Variants in SLC26A2 observed in about 807,000 individuals in gnomAD.
The protein encoded by SLC26A2 is sulfate transporter.
A neutral mutation model predicts 41.1 loss-of-function variants in SLC26A2; 36 were observed. That is an observed-to-expected ratio of 0.88 (90% confidence interval 0.67 to 1.16). The LOEUF (loss-of-function observed/expected upper bound fraction) is 1.16. Among genes scored for constraint, SLC26A2 ranks in the 50% most tolerant of loss-of-function variants. SLC26A2 has a pLI of 0.00. For synonymous variants in SLC26A2, 291 were observed against 311.6 expected (o/e 0.93, Z 0.70); for missense variants, 796 against 869.6 (o/e 0.92, Z 1.07).
chr5:149,981,879 G>A lies in SLC26A2; in HGVS notation c.*66G>A. ...AATTTCAAGTGTCCAACATTTCCCA[G>A]TTCCACAGTGGGAAATTTTGCACAC... On this transcript the variant is annotated 3_prime_UTR_variant, in exon 3 of 3. Transcript: ENST00000286298. The A allele has an allele frequency of 7.8e-7, 1 of 1,281,366 alleles. No individual in the cohort carries two copies. The allele number at this position is 1,281,366 out of a possible 1,614,324, so 79.4% of individuals were successfully genotyped here. A position where few individuals can be genotyped will look rare whatever the true frequency, so the allele number is the denominator to read the frequency against.
chr5:149,965,157 C>A (rs1754784329), intron 1 of SLC26A2, among the ~76,000 whole-genome samples: 1 of 152,134 alleles, frequency 6.6e-6, no homozygotes, highest in Admixed American at 6.6e-5. Context: ...TTGAATCAGG[C>A]AGGCTTGTTC....
At chr5:149,968,958 T>G (rs1754855159) in intron 1 of SLC26A2, among the ~76,000 whole-genome samples, 1 of 148,572 alleles carries the variant, frequency 6.7e-6, no homozygotes, top group Non-Finnish European at 1.5e-5. Flanking sequence ...CCCAGGCTGG[T>G]CTCGAACTCC....
chr5:149,972,182 T>C (rs935478368), intron 1 of SLC26A2, among the ~76,000 whole-genome samples: 2 of 152,242 alleles, frequency 1.3e-5, no homozygotes. Context: ...TCTTAAACTC[T>C]TTCATATTTC....
Position 149,980,229 on chromosome 5 carries a change from G to A in SLC26A2, c.700-64G>A. The A allele has an allele frequency of 3.9e-6, 5 of 1,290,840 alleles. No homozygotes were observed. The South Asian group carries it at 4.7e-5, about 12-fold the overall frequency. The allele number at this position is 1,290,840 out of a possible 1,614,324, so 80.0% of individuals were successfully genotyped here. On this transcript the variant is annotated intron_variant, in intron 2 of 2. Transcript: ENST00000286298. ...TATGTCTCCATGCAAGAAATGTCAG[G>A]ATAATATAAAATTTAGAAGTTCTTT...
Position 149,984,277 on chromosome 5 carries a change from G to A in SLC26A2, c.*2464G>A, listed in dbSNP as rs1172980639. On this transcript the variant is annotated 3_prime_UTR_variant, in exon 3 of 3. Coordinates refer to ENST00000286298, the MANE Select transcript of SLC26A2 (RefSeq NM_000112.4). ...TTTCATCCTCTCTACTTGGGTTGAG[G>A]TTGCCTATACTTGCATATTGTTAAA... 1.3e-5 allele frequency: 2 copies of A among 152,190 alleles called. No homozygotes were observed. The highest frequency in any genetic ancestry group is 4.8e-5 in the African/African-American group (2 of 41,436). The allele number at this position is 152,190 out of a possible 1,614,324, so 9.4% of individuals were successfully genotyped here. A position where few individuals can be genotyped will look rare whatever the true frequency, so the allele number is the denominator to read the frequency against.
chr5:149,978,722 C>G (rs1755041264), intron 2 of SLC26A2, among the ~76,000 whole-genome samples: 2 of 151,324 alleles, frequency 1.3e-5, no homozygotes, highest in African/African-American at 4.9e-5. Context: ...GACAGGGTCT[C>G]ACTCTGTCAC....
rs760309344 is a variant in SLC26A2, at chr5:149,978,220, A to T, written c.568A>T (p.Ser190Cys). The T allele has an allele frequency of 1.9e-6, 3 of 1,614,150 alleles. No individual in the cohort carries two copies. The highest frequency in any genetic ancestry group is 2.5e-6 in the Non-Finnish European group (3 of 1,179,984). Residue 190 changes from serine to cysteine, a missense_variant, in exon 2 of 3, where the codon AGT (serine) becomes TGT (cysteine). Transcript: ENST00000286298. ...GAAAGCTGGCTATGACAATGCCCAT[A>T]GTGCTCCTTCCTTAGGAATGGTTTC... ...LQKAGYDNAH[S>C]APSLGMVSNG...
Position 149,986,640 on chromosome 5 carries a change from T to G in SLC26A2, c.*4827T>G, listed in dbSNP as rs1755205267. 6.6e-6 allele frequency: 1 copy of G among 152,212 alleles called. No homozygotes were observed. The highest frequency in any genetic ancestry group is 1.5e-5 in the Non-Finnish European group (1 of 68,034). 9.4% of individuals were successfully genotyped at this position (152,212 alleles called of 1,614,324 possible). A position where few individuals can be genotyped will look rare whatever the true frequency, so the allele number is the denominator to read the frequency against. Reference sequence around the variant, plus strand: ...AATAGTGGATTCTCTGGTGTGTATTTTTTATCTCAGTGTTGAAAATTGGAA... The same window carrying G: ...AATAGTGGATTCTCTGGTGTGTATTGTTTATCTCAGTGTTGAAAATTGGAA... On this transcript the variant is annotated 3_prime_UTR_variant, in exon 3 of 3. Coordinates refer to ENST00000286298, the MANE Select transcript of SLC26A2 (RefSeq NM_000112.4).
At chr5:149,961,150 G>C (rs1754695677) in intron 1 of SLC26A2, among the ~76,000 whole-genome samples, 171 bp downstream of exon 1, 1 of 152,230 alleles carries the variant, frequency 6.6e-6, no homozygotes, top group Non-Finnish European at 1.5e-5. Flanking sequence ...CGGGTGGTCC[G>C]GGGCCGGGCG....
At chr5:149,976,322 T>G (rs1036390320) in intron 1 of SLC26A2, among the ~76,000 whole-genome samples, 1 of 152,174 alleles carries the variant, frequency 6.6e-6, no homozygotes, top group Non-Finnish European at 1.5e-5. Context: ...GCTAGAGAGA[T>G]TCCTACTTCA....
chr5:149,976,090 G>A (rs1754987722), intron 1 of SLC26A2, among the ~76,000 whole-genome samples: 1 of 151,742 alleles, frequency 6.6e-6, no homozygotes, highest in Non-Finnish European at 1.5e-5. Flanking sequence ...CCCAGGAGGT[G>A]GAGGTTGTAG....
chr5:149,961,694 C>T (rs1754708824), intron 1 of SLC26A2, among the ~76,000 whole-genome samples: 1 of 152,090 alleles, frequency 6.6e-6, no homozygotes, highest in South Asian at 2.1e-4. Flanking sequence ...TCTAGTTAAC[C>T]TGTCTTTTCT....
At chr5:149,975,141 G>C (rs245079) in intron 1 of SLC26A2, among the ~76,000 whole-genome samples, 2 of 151,874 alleles carry the variant, frequency 1.3e-5, no homozygotes, top group African/African-American at 4.8e-5. Context: ...GATATTGGGG[G>C]TTTTTTGTTT....
rs115777661 is a variant in SLC26A2 at position 149,981,003 on chromosome 5, A to G, written c.1410A>G (p.Val470=). The change falls in exon 3 of 3, where the codon GTA becomes GTG. Residue 470 remains valine, a synonymous_variant. Transcript: ENST00000286298. The part of the protein sequence containing the change: ...TALVLLLVLL[V]IAPLFYSLQK... ...TGGTTCTTTTGTTGGTCCTCCTAGT[A>G]ATAGCTCCTTTGTTCTATTCCCTTC... The G allele has an allele frequency of 2.1e-3, 3,414 of 1,614,124 alleles. 70 individuals are homozygous for G. The South Asian group carries it at 0.034, about 16-fold the overall frequency.
At chr5:149,961,800 T>C (rs1754711610) in intron 1 of SLC26A2, among the ~76,000 whole-genome samples, 1 of 151,760 alleles carries the variant, frequency 6.6e-6, no homozygotes, top group South Asian at 2.1e-4. Flanking sequence ...ATTGAATCAA[T>C]AAGAAATGGA....
rs1247243364 is a variant in SLC26A2, at chr5:149,982,684, T to C, written c.*871T>C. On this transcript the variant is annotated 3_prime_UTR_variant, in exon 3 of 3. Transcript: ENST00000286298. ...AATCTGTCCTAAACTGGTGTTTTTGTCAGTGACAGTCTTGCCAGTCAGCAA... is the reference window on the plus strand; with the variant it reads ...AATCTGTCCTAAACTGGTGTTTTTGCCAGTGACAGTCTTGCCAGTCAGCAA... 6.6e-6 allele frequency: 1 copy of C among 152,212 alleles called. No homozygotes were observed. The highest frequency in any genetic ancestry group is 1.9e-4 in the East Asian group (1 of 5,202). The allele number at this position is 152,212 out of a possible 1,614,324, so 9.4% of individuals were successfully genotyped here.
Position 149,981,398 on chromosome 5 carries a change from A to C in SLC26A2, c.1805A>C (p.Gln602Pro). ...TGCTTTAAATCTGCTTTATACAAAC[A>C]AACTGTCAACCCAATCTTAATAAAG... ...KECFKSALYK[Q>P]TVNPILIKVA... is the part of the protein sequence containing the mutation. Residue 602 changes from glutamine to proline, a missense_variant, in exon 3 of 3, where the codon CAA becomes CCA. Coordinates refer to ENST00000286298, the MANE Select transcript of SLC26A2 (RefSeq NM_000112.4). 1.2e-6 allele frequency: 2 copies of C among 1,614,156 alleles called. No homozygotes were observed. Among genetic ancestry groups the C allele is most frequent in the Non-Finnish European group, 1.7e-6 (2 of 1,180,016 alleles).
chr5:149,966,617 A>G (rs970481170), intron 1 of SLC26A2, among the ~76,000 whole-genome samples: 1 of 151,660 alleles, frequency 6.6e-6, no homozygotes, highest in Non-Finnish European at 1.5e-5. Flanking sequence ...TTTTTTTTTA[A>G]TATTTGTTTT....
At chr5:149,979,563 G>T (rs1755056829) in intron 2 of SLC26A2, among the ~76,000 whole-genome samples, 1 of 152,026 alleles carries the variant, frequency 6.6e-6, no homozygotes, top group South Asian at 2.1e-4. Context: ...CTTTTTGTTA[G>T]TATGTCCCAC....
Sources: allele counts gnomAD v4.1 joint callset (sites outside exome capture counted in the v4.1 genomes callset), GRCh38; gene constraint gnomAD v4.1.1; transcripts MANE v1.5; gene names NCBI Gene and HGNC (gene_info 2026-07-23, HGNC 2026-07-21).